Variants in AKAP9 observed in about 807,000 individuals in gnomAD.
The protein encoded by AKAP9 is A-kinase anchor protein 9.
AKAP9 carries 311 observed loss-of-function variants against 488.5 expected under a neutral mutation model. That is an observed-to-expected ratio of 0.64 (90% confidence interval 0.58 to 0.70). The LOEUF (loss-of-function observed/expected upper bound fraction) is 0.70. Among genes scored for constraint, AKAP9 ranks in the 30% least tolerant of loss-of-function variants. The pLI is 0.00. For missense variants in AKAP9, 4,215 were observed against 4,374.5 expected, an observed-to-expected ratio of 0.96 and a Z score of 1.03; for synonymous variants, 1,462 against 1,483.5, an observed-to-expected ratio of 0.99 and a Z score of 0.33.
intron 1 of AKAP9, among the ~76,000 whole-genome samples, chr7:91,962,777 A>G (rs959631317): frequency 2.0e-5 from 3 of 152,176 alleles, no homozygotes; most frequent in Non-Finnish European, 4.4e-5. Context: ...TCTATCCATT[A>G]TCTTTTTAAT....
In AKAP9 at chr7:92,108,488, CT is replaced by C. The variant is rs1818887617; in HGVS notation, c.11547-3del. The C allele has an allele frequency of 6.2e-7, 1 of 1,613,728 alleles. No homozygotes were observed. The highest frequency in any genetic ancestry group is 8.5e-7 in the Non-Finnish European group (1 of 1,180,000). Reference sequence around the variant, plus strand: ...TTGATTCATGTACATATTTTTAATCCTTTAGGTACCCAGGCACTCCAGCTGA... The same window carrying C: ...TTGATTCATGTACATATTTTTAATCCTTAGGTACCCAGGCACTCCAGCTGA... On this transcript the variant is annotated splice_polypyrimidine_tract_variant and splice_region_variant and intron_variant, in intron 48 of 49. Transcript: ENST00000356239.
intron 1 of AKAP9, among the ~76,000 whole-genome samples, chr7:91,949,241 T>C (rs1462526456): frequency 6.6e-6 from 1 of 152,194 alleles, no homozygotes; most frequent in Non-Finnish European, 1.5e-5. Context: ...TAGAAATACG[T>C]ATCCCCAGTG....
Position 92,099,878 on chromosome 7 carries a change from A to G in AKAP9, c.10896+9A>G. On this transcript the variant is annotated intron_variant, in intron 44 of 49. Transcript: ENST00000356239. ...GAGCTGGTAGAGATAATGTATGTCC[A>G]TTTTTAGCATCTCCATATATGAGAA... The G allele has an allele frequency of 6.2e-7, 1 of 1,613,518 alleles. No homozygotes were observed. Among genetic ancestry groups the G allele is most frequent in the Non-Finnish European group, 8.5e-7 (1 of 1,179,520 alleles).
chr7:92,092,508 T>C (rs1584519182), intron 38 of AKAP9: 1 of 50,984 alleles, frequency 2.0e-5, no homozygotes, highest in Non-Finnish European at 4.0e-5. Context: ...CCATTTAAAG[T>C]TTTTTTTTTT....
chr7:92,087,428 G>T (rs560187239), intron 37 of AKAP9, among the ~76,000 whole-genome samples: 1 of 152,272 alleles, frequency 6.6e-6, no homozygotes, highest in South Asian at 2.1e-4. Context: ...ATAATTTCAT[G>T]AGAGTAAACT....
rs1344942348 is a variant in AKAP9 at position 91,949,142 on chromosome 7, TTA to T, written c.48+8001_48+8002del. ...ACCAACTTCTTTTATCTAATATTAA[TTA>T]TATATGTATATAAAATATATATATA... On this transcript the variant is annotated intron_variant, in intron 1 of 49. Transcript: ENST00000356239. Among the ~76,000 whole-genome samples, 5 of 151,836 alleles carry T rather than the reference TTA, an allele frequency of 3.3e-5. No individual in the cohort carries two copies. In the East Asian group the frequency reaches 9.7e-4, roughly 29 times the overall value.
rs1479087781 is a variant in AKAP9, at chr7:92,096,944, A to G, written c.9985A>G (p.Ser3329Gly). The change falls in exon 41 of 50, where the codon AGT becomes GGT. Residue 3329 changes from serine (S) to glycine (G), a missense_variant. Physicochemically the swap from Ser to Gly is moderately conservative, Grantham distance 56. Coordinates refer to ENST00000356239, the MANE Select transcript of AKAP9 (RefSeq NM_005751.5). ...ERELHAQLQS[S>G]DGTGQSRPPL... ...GGAATTGCACGCACAGCTGCAGAGC[A>G]GTGATGGTACTGGACAGTCTCGGCC... is the stretch of plus-strand genomic sequence containing the variant. 5.0e-6 allele frequency: 8 copies of G among 1,614,134 alleles called. No individual in the cohort carries two copies. Among genetic ancestry groups the G allele is most frequent in the African/African-American group, 2.7e-5 (2 of 74,954 alleles).
At chr7:91,987,676 A>T (rs1797273016) in intron 3 of AKAP9, among the ~76,000 whole-genome samples, 1 of 152,160 alleles carries the variant, frequency 6.6e-6, no homozygotes, top group South Asian at 2.1e-4. Context: ...GCTAGTTTTG[A>T]GGCTTGAATT....
intron 30 of AKAP9, among the ~76,000 whole-genome samples, chr7:92,078,561 G>C (rs1251693881): frequency 1.3e-5 from 2 of 148,888 alleles, no homozygotes; most frequent in Non-Finnish European, 3.0e-5. Flanking sequence ...GACAGAGTGA[G>C]ACCCTGTCTC....
intron 14 of AKAP9, 95 bp downstream of exon 14, chr7:92,023,104 C>G: frequency 7.5e-7 from 1 of 1,324,968 alleles, no homozygotes; most frequent in Non-Finnish European, 1.1e-6. Flanking sequence ...GTAACTTAAG[C>G]AAAGTTGCTG....
intron 22 of AKAP9, among the ~76,000 whole-genome samples, chr7:92,060,091 A>AT (rs1159051638): frequency 6.6e-6 from 1 of 152,008 alleles, no homozygotes; most frequent in Non-Finnish European, 1.5e-5. Context: ...AGCCATCAAA[A>AT]GCTGTAGTTA....
At chr7:92,094,226 T>C (rs1816135393) in intron 39 of AKAP9, among the ~76,000 whole-genome samples, 1 of 152,126 alleles carries the variant, frequency 6.6e-6, no homozygotes, top group African/African-American at 2.4e-5. Flanking sequence ...CTAGTAATTG[T>C]ACTACTAGAA....
chr7:92,068,365 C>CAAAA (rs77237109), intron 26 of AKAP9, among the ~76,000 whole-genome samples: 4 of 46,486 alleles, frequency 8.6e-5, no homozygotes, highest in Non-Finnish European at 1.4e-4. Context: ...GACTCCGTCT[C>CAAAA]AAAAAAAAAA....
chr7:91,950,372 G>A (rs1792059733), intron 1 of AKAP9, among the ~76,000 whole-genome samples: 1 of 151,992 alleles, frequency 6.6e-6, no homozygotes, highest in African/African-American at 2.4e-5. Context: ...TGGGACCACA[G>A]GTGCACGCTG....
At chr7:92,057,760 G>C (rs55870308) in intron 22 of AKAP9, 9 of 223,464 alleles carry the variant, frequency 4.0e-5, no homozygotes, top group Non-Finnish European at 8.0e-5. Context: ...TATTACTACA[G>C]ACATCGCTGA....
At chr7:91,996,032 A>C in intron 7 of AKAP9, 1 of 436,828 alleles carries the variant, frequency 2.3e-6, no homozygotes, top group Non-Finnish European at 4.0e-6. Flanking sequence ...ATTAGCAGGA[A>C]AATACAAATT....
intron 1 of AKAP9, among the ~76,000 whole-genome samples, chr7:91,954,881 A>G (rs1324603370): frequency 6.6e-6 from 1 of 152,230 alleles, no homozygotes; most frequent in African/African-American, 2.4e-5. Context: ...GTGTGGAACT[A>G]AAGGAATAGG....
chr7:92,009,804 A>G (rs997456938), intron 8 of AKAP9, among the ~76,000 whole-genome samples: 15 of 152,256 alleles, frequency 9.9e-5, no homozygotes, highest in Admixed American at 6.5e-4. Context: ...ATAGTTCAAC[A>G]TCTGAAAAAT....
chr7:91,945,434 G>C (rs1413620036), intron 1 of AKAP9, among the ~76,000 whole-genome samples: 1 of 152,182 alleles, frequency 6.6e-6, no homozygotes, highest in African/African-American at 2.4e-5. Flanking sequence ...TTGAACCCAG[G>C]AGGTGGAGGT....
Sources: gnomAD v4.1 joint callset for allele counts (sites outside exome capture counted in the v4.1 genomes callset) on GRCh38, gnomAD v4.1.1 for gene constraint, MANE v1.5 for transcripts, NCBI Gene and HGNC (gene_info 2026-07-23, HGNC 2026-07-21) for gene names.